SND1: variants seen among roughly 807,000 people sequenced by gnomAD.
The protein encoded by SND1 is staphylococcal nuclease domain-containing protein 1.
A neutral mutation model predicts 121.7 loss-of-function variants in SND1; 38 were observed. The ratio of observed to expected loss-of-function variants is 0.31; its 90% CI spans 0.24 to 0.41. SND1 has a LOEUF of 0.41. Among genes scored for constraint, SND1 ranks in the 10% least tolerant of loss-of-function variants. SND1 has a pLI of 1.00. For missense variants in SND1, 868 were observed against 1,184.6 expected (o/e 0.73, Z 3.92); for synonymous variants, 401 against 447.4 (o/e 0.90, Z 1.31).
intron 15 of SND1, among the ~76,000 whole-genome samples, chr7:127,935,544 T>C (rs991216159): frequency 6.6e-6 from 1 of 152,162 alleles, no homozygotes; most frequent in African/African-American, 2.4e-5. Context: ...ACAGGGATAA[T>C]GAATGGAGCA....
intron 14 of SND1, among the ~76,000 whole-genome samples, chr7:127,922,196 T>TC (rs1244084561): frequency 3.0e-5 from 4 of 134,684 alleles, no homozygotes; most frequent in Non-Finnish European, 4.8e-5. Context: ...TTTTTTTTTT[T>TC]TTTTTTTGTT....
At chr7:127,696,615 C>T (rs186841803) in intron 3 of SND1, among the ~76,000 whole-genome samples, 34 of 152,270 alleles carry the variant, frequency 2.2e-4, no homozygotes, top group South Asian at 2.1e-4. Context: ...GAGACCTTAC[C>T]GGACCACAGA....
At chr7:127,704,505 A>G (rs1172733985) in intron 7 of SND1, among the ~76,000 whole-genome samples, 1 of 152,206 alleles carries the variant, frequency 6.6e-6, no homozygotes, top group African/African-American at 2.4e-5. Flanking sequence ...AATCTCTATT[A>G]AAGATTAACA....
intron 13 of SND1, among the ~76,000 whole-genome samples, chr7:127,904,119 G>A (rs768451304): frequency 7.2e-5 from 11 of 152,214 alleles, no homozygotes; most frequent in Non-Finnish European, 1.5e-4. Flanking sequence ...GGTGATTAGA[G>A]CAAACCAACC....
intron 16 of SND1, among the ~76,000 whole-genome samples, chr7:128,041,567 T>C (rs1011704736): frequency 6.6e-6 from 1 of 152,202 alleles, no homozygotes; most frequent in Admixed American, 6.5e-5. Context: ...TCTAGAGGAA[T>C]TGGGGATAGG....
intron 1 of SND1, among the ~76,000 whole-genome samples, chr7:127,683,097 T>C (rs962419955): frequency 2.6e-5 from 4 of 152,218 alleles, no homozygotes; most frequent in Non-Finnish European, 5.9e-5. Context: ...GCCATTACAA[T>C]GTTTTCATTG....
intron 15 of SND1, among the ~76,000 whole-genome samples, chr7:127,945,607 A>G (rs1478452166): frequency 6.6e-6 from 1 of 152,176 alleles, no homozygotes; most frequent in Non-Finnish European, 1.5e-5. Flanking sequence ...GGTGTCTCTC[A>G]GGAGAACTGG....
At chr7:127,782,830 C>T (rs1050512008) in intron 10 of SND1, among the ~76,000 whole-genome samples, 4 of 152,146 alleles carry the variant, frequency 2.6e-5, no homozygotes, top group Non-Finnish European at 4.4e-5. Flanking sequence ...TTTCCAGTGG[C>T]CTGGACTGAG....
intron 10 of SND1, among the ~76,000 whole-genome samples, chr7:127,805,081 T>A (rs964807840): frequency 2.0e-5 from 3 of 152,216 alleles, no homozygotes; most frequent in African/African-American, 7.2e-5. Flanking sequence ...CAGCTTATGT[T>A]ACACTTGGCT....
Position 127,913,060 on chromosome 7 carries a change from A to C in SND1, c.1527+8241A>C, listed in dbSNP as rs11983852. Among the ~76,000 whole-genome samples, 656 of 152,338 alleles carry C rather than the reference A, an allele frequency of 4.3e-3. 7 individuals are homozygous for C. The highest frequency in any genetic ancestry group is 0.015 in the African/African-American group (631 of 41,576). The stretch of plus-strand genomic sequence containing the variant: ...TAGGATTGGACTTTGAAAGCAGGGC[A>C]CAGCTTCTTGTCCTTTGATATGAGT... On this transcript the variant is annotated intron_variant, in intron 14 of 23. Coordinates refer to ENST00000354725, the MANE Select transcript of SND1 (RefSeq NM_014390.4).
At chr7:127,803,530 C>A (rs1584584933) in intron 10 of SND1, among the ~76,000 whole-genome samples, 1 of 152,298 alleles carries the variant, frequency 6.6e-6, no homozygotes, top group Middle Eastern at 3.4e-3. Context: ...AATTTACCAT[C>A]TTCACCATTT....
At chr7:127,807,187 T>A (rs558942364) in intron 10 of SND1, among the ~76,000 whole-genome samples, 101 of 152,344 alleles carry the variant, frequency 6.6e-4, no homozygotes, top group Non-Finnish European at 1.1e-3. Flanking sequence ...TTAATTGAGC[T>A]TCTTCTGTAA....
intron 12 of SND1, among the ~76,000 whole-genome samples, chr7:127,849,207 A>G (rs1799122135): frequency 6.6e-6 from 1 of 152,144 alleles, no homozygotes; most frequent in Admixed American, 6.6e-5. Flanking sequence ...AGACACTTAA[A>G]TAACTCTTCT....
At chr7:127,802,924 A>G (rs901156833) in intron 10 of SND1, among the ~76,000 whole-genome samples, 5 of 152,150 alleles carry the variant, frequency 3.3e-5, no homozygotes, top group Non-Finnish European at 7.4e-5. Context: ...GAATGTATCC[A>G]GTTCTGACCA....
chr7:128,075,630 C>G (rs1387053826), intron 17 of SND1, among the ~76,000 whole-genome samples: 1 of 152,206 alleles, frequency 6.6e-6, no homozygotes, highest in Non-Finnish European at 1.5e-5. Context: ...TTCCCTTCCC[C>G]TGGGGATTGG....
chr7:127,752,694 C>T (rs902379309), intron 10 of SND1, among the ~76,000 whole-genome samples: 6 of 152,196 alleles, frequency 3.9e-5, no homozygotes, highest in Admixed American at 1.3e-4. Flanking sequence ...TGAAATTAAA[C>T]GTATACACTA....
chr7:128,043,561 G>A (rs1446447551), intron 16 of SND1, among the ~76,000 whole-genome samples: 1 of 151,472 alleles, frequency 6.6e-6, no homozygotes, highest in African/African-American at 2.4e-5. Context: ...GACAGAGGGA[G>A]ACTCCATCTC....
chr7:127,780,141 CA>C (rs1173781895), intron 10 of SND1, among the ~76,000 whole-genome samples: 1 of 152,150 alleles, frequency 6.6e-6, no homozygotes. Flanking sequence ...TACCCTGAAG[CA>C]ATAGCAATTT....
intron 11 of SND1, among the ~76,000 whole-genome samples, chr7:127,819,069 C>G (rs979091772): frequency 6.6e-6 from 1 of 152,186 alleles, no homozygotes; most frequent in Non-Finnish European, 1.5e-5. Context: ...TTTGACACCT[C>G]TAATTCCTTG....
Sources: gnomAD v4.1 joint callset for allele counts (sites outside exome capture counted in the v4.1 genomes callset) on GRCh38, gnomAD v4.1.1 for gene constraint, MANE v1.5 for transcripts, NCBI Gene and HGNC (gene_info 2026-07-23, HGNC 2026-07-21) for gene names.